Variants in ZNF704 observed in about 807,000 individuals in gnomAD.
The protein encoded by ZNF704 is glucocorticoid induced gene 1.
ZNF704 carries 10 observed loss-of-function variants against 44.7 expected under a neutral mutation model. The observed-to-expected ratio is 0.22, with a 90% CI of 0.14 to 0.38. The LOEUF (loss-of-function observed/expected upper bound fraction) is 0.38. Ranked by LOEUF, ZNF704 falls within the 10% of genes least tolerant of loss-of-function variation. The pLI, the probability that ZNF704 is intolerant of heterozygous loss-of-function variation, is 1.00. For synonymous variants in ZNF704, 211 were observed against 207.6 expected, an observed-to-expected ratio of 1.02 and a Z score of -0.14; for missense variants, 390 against 545.5, an observed-to-expected ratio of 0.71 and a Z score of 2.84.
intron 7 of ZNF704, among the ~76,000 whole-genome samples, chr8:80,652,120 G>A (rs1817931095): frequency 6.6e-6 from 1 of 152,206 alleles, no homozygotes; most frequent in Admixed American, 6.5e-5. Flanking sequence ...TGAAACCAAT[G>A]AGAACAAAGA....
chr8:80,685,747 T>C (rs899374080), intron 4 of ZNF704, among the ~76,000 whole-genome samples: 1 of 152,342 alleles, frequency 6.6e-6, no homozygotes, highest in Middle Eastern at 3.4e-3. Context: ...CTTTTTCACA[T>C]GTACACACTC....
At chr8:80,859,226 A>C (rs1199028) in intron 1 of ZNF704, among the ~76,000 whole-genome samples, 27,217 of 152,172 alleles carry the variant, frequency 0.18, 2,958 homozygotes, top group East Asian at 0.28. Flanking sequence ...CATAGGTTTT[A>C]GGTTCTAAGA....
intron 6 of ZNF704, among the ~76,000 whole-genome samples, chr8:80,660,296 C>G (rs1818079691): frequency 6.6e-6 from 1 of 152,078 alleles, no homozygotes; most frequent in East Asian, 1.9e-4. Flanking sequence ...CACAGTGAGA[C>G]TTCGTCTCTA....
At chr8:80,829,500 A>G (rs2129919980) in intron 1 of ZNF704, among the ~76,000 whole-genome samples, 1 of 152,338 alleles carries the variant, frequency 6.6e-6, no homozygotes, top group South Asian at 2.1e-4. Flanking sequence ...ACAAAAATTG[A>G]CATCCATGCC....
At chr8:80,681,141 C>T (rs576185352) in intron 4 of ZNF704, among the ~76,000 whole-genome samples, 118 of 152,076 alleles carry the variant, frequency 7.8e-4, no homozygotes, top group Non-Finnish European at 1.5e-3. Flanking sequence ...TGGGTTGTTT[C>T]CAGTTTGGGG....
intron 2 of ZNF704, among the ~76,000 whole-genome samples, chr8:80,762,068 C>T (rs1807141040): frequency 6.6e-6 from 1 of 152,036 alleles, no homozygotes; most frequent in South Asian, 2.1e-4. Flanking sequence ...TGCTTATACC[C>T]AATGTTGTGA....
rs1817626832 is a variant in ZNF704 at position 80,633,958 on chromosome 8, A to G, written c.*7408T>C. 6.6e-6 allele frequency: 1 copy of G among 152,220 alleles called. No individual in the cohort carries two copies. The highest frequency in any genetic ancestry group is 2.1e-4 in the South Asian group (1 of 4,828). The allele number at this position is 152,220 out of a possible 1,614,324, so 9.4% of individuals were successfully genotyped here. ...CCTTTTGAGGTTAGTGGACACTCTG[A>G]AATAGCCTAAATGCCTACCAGTTCT... On this transcript the variant is annotated 3_prime_UTR_variant, in exon 9 of 9. Coordinates refer to ENST00000327835, the MANE Select transcript of ZNF704 (RefSeq NM_001033723.3).
At chr8:80,698,151 G>C (rs1403961295) in intron 2 of ZNF704, among the ~76,000 whole-genome samples, 6 of 152,348 alleles carry the variant, frequency 3.9e-5, no homozygotes, top group Admixed American at 3.9e-4. Flanking sequence ...AACAGTCTTT[G>C]TAAAAATGAA....
chr8:80,753,384 C>A (rs1477481295), intron 2 of ZNF704, among the ~76,000 whole-genome samples: 1 of 151,830 alleles, frequency 6.6e-6, no homozygotes, highest in African/African-American at 2.4e-5. Context: ...TGCCCACCAG[C>A]ACTATATTTA....
chr8:80,712,449 A>G (rs72671915), intron 2 of ZNF704, among the ~76,000 whole-genome samples: 1 of 152,204 alleles, frequency 6.6e-6, no homozygotes, highest in Admixed American at 6.5e-5. Flanking sequence ...ATTGAAGGAA[A>G]CTTTCATAGA....
chr8:80,729,062 ACTC>A (rs938437482), intron 2 of ZNF704, among the ~76,000 whole-genome samples: 10 of 151,914 alleles, frequency 6.6e-5, no homozygotes, highest in Admixed American at 3.9e-4. Flanking sequence ...CCCTCCCCTC[ACTC>A]CTCAAGTAAC....
At chr8:80,693,737 G>C (rs1330394255) in intron 2 of ZNF704, among the ~76,000 whole-genome samples, 1 of 152,224 alleles carries the variant, frequency 6.6e-6, no homozygotes, top group Non-Finnish European at 1.5e-5. Context: ...TGATCCTAGA[G>C]TGTGAGAAGG....
intron 8 of ZNF704, 64 bp from the exon 9 acceptor site, chr8:80,641,541 T>C: frequency 1.1e-6 from 1 of 895,114 alleles, no homozygotes. Context: ...TATGGAGAGC[T>C]CAAAAATCCC....
In ZNF704 at chr8:80,630,621, T is replaced by A. The variant is rs1034309836; in HGVS notation, c.*10745A>T. ...TACTGTTGTTCTCTCTCTCCAGTCT[T>A]CTCATTTGAAAAAATGACCGTAGGC... On this transcript the variant is annotated 3_prime_UTR_variant, in exon 9 of 9. Coordinates refer to ENST00000327835, the MANE Select transcript of ZNF704 (RefSeq NM_001033723.3). The A allele has an allele frequency of 3.9e-5, 6 of 152,202 alleles. No homozygotes were observed. The highest frequency in any genetic ancestry group is 7.2e-5 in the African/African-American group (3 of 41,460). 9.4% of individuals were successfully genotyped at this position (152,202 alleles called of 1,614,324 possible).
intron 7 of ZNF704, 77 bp downstream of exon 7, chr8:80,659,508 G>T: frequency 1.8e-6 from 2 of 1,128,272 alleles, no homozygotes; most frequent in Non-Finnish European, 2.7e-6. Flanking sequence ...TTTCTTGCAT[G>T]CCTCTACTAT....
chr8:80,849,120 G>A (rs78750665), intron 1 of ZNF704, among the ~76,000 whole-genome samples: 1,986 of 152,214 alleles, frequency 0.013, 43 homozygotes, highest in African/African-American at 0.045. Flanking sequence ...GGTATCACAC[G>A]ATTCTATCTT....
intron 6 of ZNF704, among the ~76,000 whole-genome samples, chr8:80,660,882 A>C (rs906660780): frequency 1.3e-5 from 2 of 152,210 alleles, no homozygotes; most frequent in African/African-American, 4.8e-5. Context: ...GGCCCAGGCA[A>C]ATATTTTTAT....
chr8:80,798,982 C>CT (rs1381666042), intron 2 of ZNF704, among the ~76,000 whole-genome samples: 1 of 152,198 alleles, frequency 6.6e-6, no homozygotes, highest in African/African-American at 2.4e-5. Context: ...GCAAAAGAGT[C>CT]TGAGTGTGCT....
At chr8:80,804,595 C>T (rs1807956376) in intron 2 of ZNF704, among the ~76,000 whole-genome samples, 1 of 152,128 alleles carries the variant, frequency 6.6e-6, no homozygotes, top group Non-Finnish European at 1.5e-5. Context: ...GACACCACAT[C>T]GTGTTCTCAC....
Sources: allele counts gnomAD v4.1 joint callset (sites outside exome capture counted in the v4.1 genomes callset), GRCh38; gene constraint gnomAD v4.1.1; transcripts MANE v1.5; gene names NCBI Gene and HGNC (gene_info 2026-07-23, HGNC 2026-07-21).